SHISA9: variants seen among roughly 807,000 people sequenced by gnomAD.
SHISA9 encodes protein shisa-9.
Under a neutral mutation model 38.0 loss-of-function variants are expected in SHISA9, and 13 were observed. The observed-to-expected ratio is 0.34, with a 90% CI of 0.22 to 0.54. SHISA9 has a LOEUF of 0.54. Among genes scored for constraint, SHISA9 ranks in the 20% least tolerant of loss-of-function variants. SHISA9 has a pLI of 0.91. For missense variants in SHISA9, 538 were observed against 575.8 expected, an observed-to-expected ratio of 0.93 and a Z score of 0.67; for synonymous variants, 275 against 242.0, an observed-to-expected ratio of 1.14 and a Z score of -1.27.
chr16:13,351,506 G>A, the SHISA9 span, among the ~76,000 whole-genome samples: 1 of 152,168 alleles, frequency 6.6e-6, no homozygotes, highest in Admixed American at 6.5e-5. Context: ...CAGGACAGTT[G>A]TAAGGGCATC....
chr16:13,173,179 A>G (rs1373021300), intron 2 of SHISA9, among the ~76,000 whole-genome samples: 1 of 147,454 alleles, frequency 6.8e-6, no homozygotes, highest in Non-Finnish European at 1.5e-5. Context: ...ACACACACAC[A>G]TTCATTCTCA....
intron 2 of SHISA9, among the ~76,000 whole-genome samples, chr16:13,185,653 C>T (rs2050814297): frequency 6.6e-6 from 1 of 152,162 alleles, no homozygotes; most frequent in Non-Finnish European, 1.5e-5. Context: ...AAATTGTTTA[C>T]CTGTTTCCCT....
chr16:13,472,695 G>A, the SHISA9 span, among the ~76,000 whole-genome samples: 1 of 151,904 alleles, frequency 6.6e-6, no homozygotes, highest in Non-Finnish European at 1.5e-5. Flanking sequence ...CCCGGCCTCT[G>A]CTAAAATTTT....
chr16:13,367,134 TCAGTAATTAAAC>T, the SHISA9 span, among the ~76,000 whole-genome samples: 4 of 151,652 alleles, frequency 2.6e-5, no homozygotes, highest in Admixed American at 1.3e-4. Context: ...AAACTTAAAC[TCAGTAATTAAAC>T]CAACTACAGT....
chr16:13,340,228 A>G, the SHISA9 span, among the ~76,000 whole-genome samples: 1 of 152,208 alleles, frequency 6.6e-6, no homozygotes, highest in African/African-American at 2.4e-5. Flanking sequence ...AGGATAAGCC[A>G]TCTGCCTACA....
chr16:13,087,843 A>G lies in SHISA9; in HGVS notation c.692-115551A>G, dbSNP rs1335056049. Among the ~76,000 whole-genome samples the G allele has an allele frequency of 4.6e-5, 7 of 152,232 alleles. No individual in the cohort carries two copies. In the South Asian group the frequency reaches 1.2e-3, roughly 27 times the overall value. Reference sequence around the variant, plus strand: ...CTCTTTAATTAGATCCCATTTGTCTATTTTGGCTTTTGTTGCCATTGCTTT... The same window carrying G: ...CTCTTTAATTAGATCCCATTTGTCTGTTTTGGCTTTTGTTGCCATTGCTTT... On this transcript the variant is annotated intron_variant, in intron 2 of 4. Coordinates refer to ENST00000558583, the MANE Select transcript of SHISA9 (RefSeq NM_001145204.3).
chr16:13,315,591 G>C, the SHISA9 span, among the ~76,000 whole-genome samples: 2 of 152,208 alleles, frequency 1.3e-5, no homozygotes, highest in African/African-American at 2.4e-5. Context: ...AATTAGGAAA[G>C]TTATGTAACT....
At chr16:13,517,501 T>C in the SHISA9 span, among the ~76,000 whole-genome samples, 2 of 152,236 alleles carry the variant, frequency 1.3e-5, no homozygotes, top group African/African-American at 4.8e-5. Flanking sequence ...CAAATCCTTG[T>C]CCTGAGGGGT....
chr16:13,476,817 C>T, the SHISA9 span, among the ~76,000 whole-genome samples: 29 of 133,892 alleles, frequency 2.2e-4, no homozygotes, highest in Admixed American at 1.6e-3. Context: ...GGCGTGATCT[C>T]GGCTCACTGC....
intron 2 of SHISA9, among the ~76,000 whole-genome samples, chr16:13,084,385 G>A (rs2073687833): frequency 1.3e-5 from 2 of 152,332 alleles, no homozygotes; most frequent in African/African-American, 4.8e-5. Context: ...TCTTGATCAG[G>A]CAGTGAATAA....
chr16:13,096,052 G>A (rs2073822824), intron 2 of SHISA9, among the ~76,000 whole-genome samples: 1 of 152,220 alleles, frequency 6.6e-6, no homozygotes, highest in Non-Finnish European at 1.5e-5. Flanking sequence ...GAATACTTGA[G>A]TTTGAATCCC....
intron 2 of SHISA9, among the ~76,000 whole-genome samples, chr16:12,926,607 G>A (rs1003244032): frequency 2.6e-5 from 4 of 152,190 alleles, no homozygotes; most frequent in African/African-American, 9.7e-5. Flanking sequence ...AGCATGGTGG[G>A]AGTAAGTTCA....
chr16:12,926,439 A>G (rs1166066239), intron 2 of SHISA9, among the ~76,000 whole-genome samples: 1 of 152,216 alleles, frequency 6.6e-6, no homozygotes, highest in Non-Finnish European at 1.5e-5. Flanking sequence ...TTTCTATTCA[A>G]TCAACATTCC....
chr16:13,541,818 G>T, the SHISA9 span, among the ~76,000 whole-genome samples: 1 of 152,252 alleles, frequency 6.6e-6, no homozygotes, highest in East Asian at 1.9e-4. Flanking sequence ...ACTCAAAGAG[G>T]ATAATAAACT....
the SHISA9 span, among the ~76,000 whole-genome samples, chr16:13,545,062 C>G: frequency 6.6e-6 from 1 of 152,204 alleles, no homozygotes; most frequent in Non-Finnish European, 1.5e-5. Context: ...TGTTAAAGGC[C>G]TAGCAAATAT....
At chr16:13,367,735 C>CACAA in the SHISA9 span, among the ~76,000 whole-genome samples, 747 of 148,338 alleles carry the variant, frequency 5.0e-3, 14 homozygotes, top group African/African-American at 0.018. Context: ...CACACACACA[C>CACAA]ACACACACAC....
At chr16:13,035,558 T>C (rs2073046699) in intron 2 of SHISA9, among the ~76,000 whole-genome samples, 1 of 151,572 alleles carries the variant, frequency 6.6e-6, no homozygotes, top group Non-Finnish European at 1.5e-5. Context: ...TGAGATGGAG[T>C]CTTGCTCTGT....
At chr16:13,551,106 A>G in the SHISA9 span, among the ~76,000 whole-genome samples, 1 of 150,196 alleles carries the variant, frequency 6.7e-6, no homozygotes, top group East Asian at 2.0e-4. Context: ...CCTGGGCGAC[A>G]GTGAGAGACT....
chr16:13,440,890 C>G, the SHISA9 span, among the ~76,000 whole-genome samples: 1 of 151,460 alleles, frequency 6.6e-6, no homozygotes, highest in Non-Finnish European at 1.5e-5. Context: ...CCACTGCACT[C>G]CAGCCTGGTG....
Sources: allele counts gnomAD v4.1 joint callset (sites outside exome capture counted in the v4.1 genomes callset), GRCh38; gene constraint gnomAD v4.1.1; transcripts MANE v1.5; gene names NCBI Gene and HGNC (gene_info 2026-07-23, HGNC 2026-07-21).